FANCD2: variants seen among roughly 807,000 people sequenced by gnomAD.
FANCD2 encodes FA complementation group D2.
A neutral mutation model predicts 192.3 loss-of-function variants in FANCD2; 131 were observed. The observed-to-expected ratio is 0.68, with a 90% CI of 0.59 to 0.79. The LOEUF (loss-of-function observed/expected upper bound fraction) is 0.79, where lower values mean the gene tolerates loss of function less well. Among genes scored for constraint, FANCD2 ranks in the 30% least tolerant of loss-of-function variants. The pLI is 0.00. For synonymous variants in FANCD2, 524 were observed against 612.5 expected, an observed-to-expected ratio of 0.86 and a Z score of 2.13; for missense variants, 1,508 against 1,701.6, an observed-to-expected ratio of 0.89 and a Z score of 2.00.
At chr3:10,050,150 G>C (rs2087152439) in intron 17 of FANCD2, among the ~76,000 whole-genome samples, 1 of 152,206 alleles carries the variant, frequency 6.6e-6, no homozygotes. Context: ...ACATACAGTT[G>C]ACCTAATCTA....
chr3:10,080,838 G>A (rs1693792220), intron 30 of FANCD2, among the ~76,000 whole-genome samples: 1 of 152,152 alleles, frequency 6.6e-6, no homozygotes, highest in African/African-American at 2.4e-5. Context: ...CTACTTTTAT[G>A]TGACCTTTAT....
chr3:10,028,230 A>C (rs976876317), intron 1 of FANCD2, among the ~76,000 whole-genome samples: 1 of 152,116 alleles, frequency 6.6e-6, no homozygotes, highest in Non-Finnish European at 1.5e-5. Context: ...CATACTGTAA[A>C]TTCCCTGAGG....
At chr3:10,059,864 G>A (rs1486008970) in intron 18 of FANCD2, among the ~76,000 whole-genome samples, 1 of 151,736 alleles carries the variant, frequency 6.6e-6, no homozygotes, top group African/African-American at 2.4e-5. Flanking sequence ...TTGGAGAGAT[G>A]AATTGACTTG....
At chr3:10,033,698 C>CTTTTTTTTTTT (rs34115008) in intron 3 of FANCD2, among the ~76,000 whole-genome samples, 16 of 89,372 alleles carry the variant, frequency 1.8e-4, no homozygotes, top group African/African-American at 3.3e-4. Context: ...AAAGCTAAGT[C>CTTTTTTTTTTT]TTTTTTTTTT....
rs1273487931 is a variant in FANCD2 at position 10,099,129 on chromosome 3, A to G, written c.4281+314A>G. On this transcript the variant is annotated intron_variant, in intron 43 of 43. Coordinates refer to ENST00000675286, the MANE Select transcript of FANCD2 (RefSeq NM_001018115.3). ...CATTTTAGAAGGGAGAAGTCATCGAAGTATTTTCTGAGTGTTGAGAAGAAT... is the reference window on the plus strand; with the variant it reads ...CATTTTAGAAGGGAGAAGTCATCGAGGTATTTTCTGAGTGTTGAGAAGAAT... 18 of 1,481,574 alleles carry G rather than the reference A, an allele frequency of 1.2e-5. No homozygotes were observed. The Admixed American group carries it at 3.6e-4, about 29-fold the overall frequency. The allele number at this position is 1,481,574 out of a possible 1,614,324, so 91.8% of individuals were successfully genotyped here.
At chr3:10,093,357 T>C in intron 39 of FANCD2, 34 bp downstream of exon 39, 1 of 1,563,470 alleles carries the variant, frequency 6.4e-7, no homozygotes, top group Non-Finnish European at 8.8e-7. Flanking sequence ...TTCATATTTA[T>C]TCTTCCTGTG....
At chr3:10,072,825 GT>G (rs1172794151) in intron 26 of FANCD2, 45 bp from the exon 27 acceptor site, 6 of 985,668 alleles carry the variant, frequency 6.1e-6, no homozygotes, top group Non-Finnish European at 9.9e-6. Context: ...TCTAATGGTG[GT>G]GTGTAATTGG....
chr3:10,045,519 C>T (rs1342941129), intron 14 of FANCD2: 1 of 151,436 alleles, frequency 6.6e-6, no homozygotes, highest in Admixed American at 6.6e-5. Flanking sequence ...AAAATTACTC[C>T]ATCATAATTT....
chr3:10,088,404 G>A, intron 34 of FANCD2, 45 bp from the exon 35 acceptor site: 1 of 1,158,640 alleles, frequency 8.6e-7, no homozygotes, highest in South Asian at 1.2e-5. Flanking sequence ...CAAGAATGAG[G>A]TCAAGTTCCC....
rs554748265 is a variant in FANCD2 at position 10,069,302 on chromosome 3, A to G, written c.2494+1985A>G. ...GGAATATATAAAGATAGGAAAAAAA[A>G]TTATTCGGATTGAAAAATGGGTAAA... On this transcript the variant is annotated intron_variant, in intron 26 of 43. Coordinates refer to ENST00000675286, the MANE Select transcript of FANCD2 (RefSeq NM_001018115.3). Among the ~76,000 whole-genome samples the G allele has an allele frequency of 6.7e-5, 10 of 149,940 alleles. No homozygotes were observed. In the East Asian group the frequency reaches 1.9e-3, roughly 29 times the overall value.
intron 18 of FANCD2, among the ~76,000 whole-genome samples, chr3:10,054,885 A>G (rs915241605): frequency 2.6e-5 from 4 of 151,668 alleles, no homozygotes; most frequent in Non-Finnish European, 4.4e-5. Context: ...GGTAATATAC[A>G]TGTGTCATAC....
chr3:10,051,424 A>G, intron 17 of FANCD2, among the ~76,000 whole-genome samples: 12 of 966 alleles, frequency 0.012, 1 homozygote, highest in African/African-American at 0.019. Context: ...GGAGTGAGGG[A>G]TTTATCTCCC....
chr3:10,093,893 A>G (rs1552244), intron 39 of FANCD2, among the ~76,000 whole-genome samples: 38,282 of 152,072 alleles, frequency 0.25, 6,642 homozygotes, highest in African/African-American at 0.49. Context: ...GGAGATGGGC[A>G]AGTTGGAGAG....
At chr3:10,036,086 C>CTTTTTTTTTTTTTGTTTTTTTTTTT (rs2086722255) in intron 6 of FANCD2, among the ~76,000 whole-genome samples, 1 of 102,602 alleles carries the variant, frequency 9.7e-6, no homozygotes, top group African/African-American at 4.2e-5. Flanking sequence ...TTATACATTT[C>CTTTTTTTTTTTTTGTTTTTTTTTTT]TTTTTTTTTT....
chr3:10,056,874 A>AT (rs2087427014), intron 18 of FANCD2, among the ~76,000 whole-genome samples: 2 of 151,836 alleles, frequency 1.3e-5, no homozygotes, highest in African/African-American at 4.8e-5. Context: ...TTTGTTTTTG[A>AT]GATGGGGTCT....
rs2124992144 is a variant in FANCD2, at chr3:10,043,033, A to G, written c.889-17A>G. 1 of 1,607,678 alleles carries G rather than the reference A, an allele frequency of 6.2e-7. No homozygotes were observed. Among genetic ancestry groups the G allele is most frequent in the Non-Finnish European group, 8.5e-7 (1 of 1,174,152 alleles). On this transcript the variant is annotated splice_polypyrimidine_tract_variant and intron_variant, in intron 11 of 43. Transcript: ENST00000675286. ...ATGAATGAGCAGAAAACCATAGCTA[A>G]TATTTACTTTCTGCAGGTAATTTCT...
chr3:10,072,975 A>G lies in FANCD2; in HGVS notation c.2599A>G (p.Lys867Glu). 6.5e-7 allele frequency: 1 copy of G among 1,531,786 alleles called. No homozygotes were observed. Among genetic ancestry groups the G allele is most frequent in the Non-Finnish European group, 9.1e-7 (1 of 1,104,914 alleles). 94.9% of individuals were successfully genotyped at this position (1,531,786 alleles called of 1,614,324 possible). ...AISAKIRKKG[K>E]IERKQKTDGS... is the part of the protein sequence containing the mutation. ...TTCAGCAAAAATCAGAAAGAAAGGA[A>G]AAATAGGTAAGTATGTTCTTTTCCT... is the stretch of plus-strand genomic sequence containing the variant. The change falls in exon 27 of 44, where the codon AAA becomes GAA. Residue 867 changes from lysine (K) to glutamate (E), a missense_variant. Lys to Glu is a moderately conservative substitution (Grantham distance 56, BLOSUM62 1). This residue lies in a region of FANCD2 where 796 missense variants were observed against 879.4 expected (regional missense o/e 0.91). Coordinates refer to ENST00000675286, the MANE Select transcript of FANCD2 (RefSeq NM_001018115.3).
rs747157259 is a variant in FANCD2, at chr3:10,032,915, A to G, written c.148A>G (p.Lys50Glu). Residue 50 changes from lysine to glutamate, a missense_variant, in exon 3 of 44, where the codon AAG (lysine) becomes GAG (glutamate). Lys to Glu is a moderately conservative substitution (Grantham distance 56, BLOSUM62 1). Around this residue, in one of 5 missense-constraint regions of FANCD2, gnomAD observed 435 missense variants for 421.9 expected, o/e 1.03. Coordinates refer to ENST00000675286, the MANE Select transcript of FANCD2 (RefSeq NM_001018115.3). ...EVEENDSIFV[K>E]LLKISGIILK... is the part of the protein sequence containing the mutation. The stretch of plus-strand genomic sequence containing the variant: ...TGAAGAAAATGACAGCATCTTTGTA[A>G]AGCTTCTTAAGATATCAGGAATTAT... 2 of 1,599,848 alleles carry G rather than the reference A, an allele frequency of 1.3e-6. No homozygotes were observed. The highest frequency in any genetic ancestry group is 2.7e-5 in the African/African-American group (2 of 74,724).
rs926505952 is a variant in FANCD2, at chr3:10,062,285, A to G, written c.1827+74A>G. 19 of 1,221,478 alleles carry G rather than the reference A, an allele frequency of 1.6e-5. No individual in the cohort carries two copies. The African/African-American group carries it at 2.3e-4, about 15-fold the overall frequency. The allele number at this position is 1,221,478 out of a possible 1,614,324, so 75.7% of individuals were successfully genotyped here. On this transcript the variant is annotated intron_variant, in intron 20 of 43. Transcript: ENST00000675286. ...TTAGAGAGTCTCGCTCTGTCACCCA[A>G]CCTGCAGTGCAGTGGCAAGATCTCG...
Sources: gnomAD v4.1 joint callset for allele counts (sites outside exome capture counted in the v4.1 genomes callset) on GRCh38, gnomAD v4.1.1 for gene constraint, gnomAD v4.1.1 regional missense constraint, MANE v1.5 for transcripts, NCBI Gene and HGNC (gene_info 2026-07-23, HGNC 2026-07-21) for gene names.